Variants in ZSCAN25 observed in about 807,000 individuals in gnomAD.
The protein encoded by ZSCAN25 is zinc finger and SCAN domain containing 25.
A neutral mutation model predicts 38.7 loss-of-function variants in ZSCAN25; 27 were observed. The observed-to-expected ratio is 0.70, with a 90% CI of 0.51 to 0.96. The LOEUF is 0.96. Among genes scored for constraint, ZSCAN25 ranks in the 40% least tolerant of loss-of-function variants. The pLI is 0.00. For missense variants in ZSCAN25, 637 were observed against 705.9 expected (o/e 0.90, Z 1.11); for synonymous variants, 273 against 277.7 (o/e 0.98, Z 0.17).
chr7:99,673,946 C>T, the ZSCAN25 span, among the ~76,000 whole-genome samples: 1 of 152,194 alleles, frequency 6.6e-6, no homozygotes, highest in Non-Finnish European at 1.5e-5. Context: ...CACATGGGAT[C>T]CTTGGTAGGA....
At chr7:99,676,201 TCCCATATCTAC>T in the ZSCAN25 span, 1 of 1,613,632 alleles carries the variant, frequency 6.2e-7, no homozygotes, top group Non-Finnish European at 8.5e-7. Context: ...TGTGTACGGG[TCCCATATCTAC>T]AAAGTGAAAC....
At chr7:99,663,917 C>G in the ZSCAN25 span, 1 of 1,543,512 alleles carries the variant, frequency 6.5e-7, no homozygotes, top group Non-Finnish European at 8.7e-7. Context: ...TGTATAAAAT[C>G]TAAATTTATC....
At chr7:99,662,763 G>A in the ZSCAN25 span, 2 of 1,516,066 alleles carry the variant, frequency 1.3e-6, no homozygotes, top group East Asian at 2.3e-5. This position sits in a 1 kb window ranked among gnomAD's most constrained non-coding sequence, Gnocchi z 4.3. Flanking sequence ...TCAGAACAAG[G>A]CCCTCCCTCT....
the ZSCAN25 span, among the ~76,000 whole-genome samples, chr7:99,654,484 T>C: frequency 3.9e-5 from 6 of 152,242 alleles, no homozygotes; most frequent in African/African-American, 7.2e-5. Flanking sequence ...TCTATCATTA[T>C]TGGACATTTG....
At chr7:99,663,239 A>G in the ZSCAN25 span, 2 of 1,051,936 alleles carry the variant, frequency 1.9e-6, no homozygotes, top group Non-Finnish European at 2.3e-6. Flanking sequence ...TTATTCTTCT[A>G]CCTTTTTCTT....
the ZSCAN25 span, chr7:99,672,657 C>G: frequency 6.2e-7 from 1 of 1,614,102 alleles, no homozygotes. Context: ...ATGGCCAGCA[C>G]AGGGAGTTGA....
chr7:99,631,178 A>G lies in ZSCAN25; in HGVS notation c.*1158A>G, dbSNP rs1807972281. 1 of 985,434 alleles carries G rather than the reference A, an allele frequency of 1.0e-6. No homozygotes were observed. Among genetic ancestry groups the G allele is most frequent in the Non-Finnish European group, 1.2e-6 (1 of 829,932 alleles). The allele number at this position is 985,434 out of a possible 1,614,324, so 61.0% of individuals were successfully genotyped here. A position where few individuals can be genotyped will look rare whatever the true frequency, so the allele number is the denominator to read the frequency against. On this transcript the variant is annotated 3_prime_UTR_variant, in exon 8 of 8. Coordinates refer to ENST00000394152, the MANE Select transcript of ZSCAN25 (RefSeq NM_145115.3). ...GGCCTGTATTCATTGCTTTGTCAGC[A>G]TCTTGCCCTGAAATGCATTTGTCAC...
chr7:99,670,931 A>G, the ZSCAN25 span: 40 of 152,358 alleles, frequency 2.6e-4, no homozygotes, highest in African/African-American at 9.4e-4. Flanking sequence ...AATAAAAAAT[A>G]TCAAAAAAGT....
the ZSCAN25 span, chr7:99,680,127 T>C: frequency 3.8e-6 from 2 of 528,252 alleles, no homozygotes; most frequent in Non-Finnish European, 6.8e-6. Context: ...TGAGGAATCA[T>C]GAAAAGCTTA....
chr7:99,728,250 AG>A, the ZSCAN25 span, among the ~76,000 whole-genome samples: 7 of 152,172 alleles, frequency 4.6e-5, no homozygotes, highest in African/African-American at 1.7e-4. Flanking sequence ...ACAAGCAACT[AG>A]CCCCCTCCTA....
the ZSCAN25 span, chr7:99,663,749 ATTG>A: frequency 1.7e-6 from 2 of 1,210,976 alleles, no homozygotes; most frequent in Non-Finnish European, 2.1e-6. Context: ...TGACATACTA[ATTG>A]TTGTGCCTGA....
the ZSCAN25 span, among the ~76,000 whole-genome samples, chr7:99,687,232 AG>A: frequency 3.9e-5 from 6 of 152,212 alleles, no homozygotes; most frequent in Admixed American, 3.9e-4. Context: ...TCCAAGCTAC[AG>A]GAGGAACTTC....
chr7:99,633,686 C>G (rs1808148982), downstream of ZSCAN25, among the ~76,000 whole-genome samples: 1 of 152,146 alleles, frequency 6.6e-6, no homozygotes, highest in African/African-American at 2.4e-5. Flanking sequence ...CTTCCTTGGC[C>G]TTGCAAAGTA....
the ZSCAN25 span, among the ~76,000 whole-genome samples, chr7:99,725,761 G>A: frequency 1.7e-4 from 26 of 152,132 alleles, no homozygotes; most frequent in Non-Finnish European, 3.2e-4. Context: ...CGATCACCTC[G>A]GAAGCCCCCC....
At chr7:99,672,042 TTTGTTGTTG>T in the ZSCAN25 span, among the ~76,000 whole-genome samples, 4 of 151,728 alleles carry the variant, frequency 2.6e-5, no homozygotes, top group Non-Finnish European at 4.4e-5. Flanking sequence ...TTTGCCGGTT[TTTGTTGTTG>T]TTGTTGTTGT....
chr7:99,709,223 A>G, the ZSCAN25 span: 1 of 1,613,906 alleles, frequency 6.2e-7, no homozygotes, highest in East Asian at 2.2e-5. Context: ...CCATGTCAAG[A>G]TACTCCAACT....
the ZSCAN25 span, chr7:99,679,703 C>T: frequency 2.3e-6 from 2 of 876,098 alleles, no homozygotes; most frequent in South Asian, 1.4e-5. Context: ...TTTGTAGCGT[C>T]CAACACTTCA....
the ZSCAN25 span, among the ~76,000 whole-genome samples, chr7:99,692,961 G>A: frequency 1.3e-4 from 20 of 152,264 alleles, no homozygotes; most frequent in Middle Eastern, 6.8e-3. Flanking sequence ...GTGATCTTTC[G>A]GAGGAGAAGA....
chr7:99,719,549 G>A, the ZSCAN25 span, among the ~76,000 whole-genome samples: 1 of 152,060 alleles, frequency 6.6e-6, no homozygotes, highest in African/African-American at 2.4e-5. Flanking sequence ...ATATAGGAAG[G>A]AGGGCTAGGC....
Sources: allele counts gnomAD v4.1 joint callset (sites outside exome capture counted in the v4.1 genomes callset), GRCh38; gene constraint gnomAD v4.1.1; non-coding constraint Gnocchi (gnomAD v3.1); transcripts MANE v1.5; gene names NCBI Gene and HGNC (gene_info 2026-07-23, HGNC 2026-07-21).